The following LIMK1 variants were observed in gnomAD, a reference collection of about 807,000 sequenced individuals.
The protein encoded by LIMK1 is LIM motif-containing protein kinase.
In LIMK1, 21 loss-of-function variants were observed where a neutral mutation model predicts 77.6. That is an observed-to-expected ratio of 0.27 (90% CI 0.19 to 0.39). The LOEUF (loss-of-function observed/expected upper bound fraction) is 0.39, where lower values mean the gene tolerates loss of function less well. Ranked by LOEUF, LIMK1 falls within the 10% of genes least tolerant of loss-of-function variation. The probability of loss-of-function intolerance (pLI) is 1.00; values close to 1 mark genes in which losing one functional copy is unlikely to be tolerated. For missense variants in LIMK1, 696 were observed against 901.6 expected (o/e 0.77, Z 2.92); for synonymous variants, 358 against 370.0 (o/e 0.97, Z 0.37).
At chr7:74,096,190 C>T (rs1554695570) in intron 2 of LIMK1, among the ~76,000 whole-genome samples, 1 of 151,532 alleles carries the variant, frequency 6.6e-6, no homozygotes, top group African/African-American at 2.4e-5. Context: ...GTCTCAGACT[C>T]CTGACCCCAA....
At chr7:74,103,160 G>A (rs1014416384) in intron 5 of LIMK1, among the ~76,000 whole-genome samples, 1 of 151,636 alleles carries the variant, frequency 6.6e-6, no homozygotes, top group East Asian at 1.9e-4. Context: ...GAGCCACTGC[G>A]TCTGGCCATT....
At chr7:74,099,264 C>G (rs1554696179) in intron 5 of LIMK1, 26 bp downstream of exon 5, 3 of 1,597,056 alleles carry the variant, frequency 1.9e-6, no homozygotes, top group Admixed American at 1.7e-5. Context: ...GCCGAGGCTG[C>G]CGTCGGTGTG....
At chr7:74,113,764 C>T (rs1304355973) in intron 12 of LIMK1, among the ~76,000 whole-genome samples, 5 of 152,120 alleles carry the variant, frequency 3.3e-5, no homozygotes, top group Admixed American at 3.3e-4. Context: ...GCCCTCATGA[C>T]CCAATCACCT....
rs1554696082 is a variant in LIMK1, at chr7:74,099,016, C to T, written c.402-16C>T. ...CCCTTGACACTCTTTTCTTCCCACC[C>T]CGGCGGCTCTTGCAGCGGGCACTGC... is the stretch of plus-strand genomic sequence containing the variant. On this transcript the variant is annotated splice_polypyrimidine_tract_variant and intron_variant, in intron 4 of 15. Coordinates refer to ENST00000336180, the MANE Select transcript of LIMK1 (RefSeq NM_002314.4). 6 of 1,597,482 alleles carry T rather than the reference C, an allele frequency of 3.8e-6. No homozygotes were observed. In the Admixed American group the frequency reaches 6.7e-5, roughly 18 times the overall value.
chr7:74,122,510 C>G lies in LIMK1; in HGVS notation c.*1209C>G, dbSNP rs1330870472. 4 of 152,304 alleles carry G rather than the reference C, an allele frequency of 2.6e-5. No individual in the cohort carries two copies. The highest frequency in any genetic ancestry group is 9.7e-5 in the African/African-American group (4 of 41,396). The allele number at this position is 152,304 out of a possible 1,614,324, so 9.4% of individuals were successfully genotyped here. On this transcript the variant is annotated 3_prime_UTR_variant, in exon 16 of 16. Coordinates refer to ENST00000336180, the MANE Select transcript of LIMK1 (RefSeq NM_002314.4). ...CAGACGCAGAACAATAAAATAAATT[C>G]CGTACTCCCCACCCAGGTCCTGCGT...
At chr7:74,095,810 C>T (rs1188424760) in intron 2 of LIMK1, among the ~76,000 whole-genome samples, 4 of 152,114 alleles carry the variant, frequency 2.6e-5, no homozygotes, top group Non-Finnish European at 5.9e-5. Flanking sequence ...AGGTCTAACC[C>T]TGGCCTGTGT....
chr7:74,114,914 C>CA (rs569366868), intron 12 of LIMK1, among the ~76,000 whole-genome samples: 365 of 69,760 alleles, frequency 5.2e-3, no homozygotes, highest in Middle Eastern at 0.017. Context: ...GACTCCAACT[C>CA]AAAAAAAAAA....
At chr7:74,114,240 C>CA (rs1314815880) in intron 12 of LIMK1, among the ~76,000 whole-genome samples, 6 of 151,140 alleles carry the variant, frequency 4.0e-5, no homozygotes, top group Middle Eastern at 3.4e-3. Context: ...GACTCCATCT[C>CA]AAAAAAAATA....
At chr7:74,090,177 C>A (rs1157995451) in intron 2 of LIMK1, among the ~76,000 whole-genome samples, 1 of 152,058 alleles carries the variant, frequency 6.6e-6, no homozygotes, top group East Asian at 1.9e-4. Flanking sequence ...GAGTTTGAGA[C>A]CAGTCTGGCC....
Position 74,085,732 on chromosome 7 carries a change from C to T in LIMK1, c.56-16C>T, listed in dbSNP as rs1554693952. 3 of 1,548,686 alleles carry T rather than the reference C, an allele frequency of 1.9e-6. No homozygotes were observed. The highest frequency in any genetic ancestry group is 2.6e-6 in the Non-Finnish European group (3 of 1,145,344). The stretch of plus-strand genomic sequence containing the variant: ...ACTTCCTGAGAATGCTTCCCAACTC[C>T]CTTCCCACCCTGCAGGAAGCGAGTT... On this transcript the variant is annotated splice_polypyrimidine_tract_variant and intron_variant, in intron 1 of 15. Transcript: ENST00000336180.
At chr7:74,095,301 T>C (rs2115653560) in intron 2 of LIMK1, among the ~76,000 whole-genome samples, 1 of 152,224 alleles carries the variant, frequency 6.6e-6, no homozygotes, top group East Asian at 1.9e-4. Flanking sequence ...ACGGACCCCC[T>C]AGCCTGTTCT....
rs539035554 is a variant in LIMK1 at position 74,121,526 on chromosome 7, T to C, written c.*225T>C. 2.2e-4 allele frequency: 116 copies of C among 534,324 alleles called. 2 individuals carry two copies. In the East Asian group the frequency reaches 3.4e-3, roughly 16 times the overall value. 33.1% of individuals were successfully genotyped at this position (534,324 alleles called of 1,614,324 possible). ...CACACACACCATGCTCTCGCCCTGC[T>C]GTAACCTCTGTCTTGGCAGGGCTGT... On this transcript the variant is annotated 3_prime_UTR_variant, in exon 16 of 16. Coordinates refer to ENST00000336180, the MANE Select transcript of LIMK1 (RefSeq NM_002314.4).
intron 14 of LIMK1, 126 bp downstream of exon 14, chr7:74,120,764 C>A: frequency 6.6e-7 from 1 of 1,523,200 alleles, no homozygotes; most frequent in Non-Finnish European, 9.1e-7. Flanking sequence ...CATGGGCTGG[C>A]CCCCATGGGG....
chr7:74,099,337 G>A, intron 5 of LIMK1, 99 bp downstream of exon 5: 1 of 1,221,354 alleles, frequency 8.2e-7, no homozygotes, highest in Non-Finnish European at 1.2e-6. Flanking sequence ...GAATGGGCGA[G>A]TGTTTGGGTA....
chr7:74,117,435 C>T (rs1005378701), intron 13 of LIMK1, among the ~76,000 whole-genome samples: 4 of 152,098 alleles, frequency 2.6e-5, no homozygotes, highest in Admixed American at 1.3e-4. Flanking sequence ...GAAGGTGGGA[C>T]GTATACAAGT....
At chr7:74,094,104 C>T (rs1471820880) in intron 2 of LIMK1, 1 of 152,292 alleles carries the variant, frequency 6.6e-6, no homozygotes, top group Non-Finnish European at 1.5e-5. Context: ...GGGGCCTCGC[C>T]GGCAGGAATC....
At chr7:74,111,471 C>A in intron 10 of LIMK1, 177 bp from the exon 11 acceptor site, 1 of 605,726 alleles carries the variant, frequency 1.7e-6, no homozygotes, top group South Asian at 2.0e-5. Flanking sequence ...TGTCTGTGAG[C>A]TGTGTTGACT....
At chr7:74,117,799 G>A (rs1799845820) in intron 13 of LIMK1, among the ~76,000 whole-genome samples, 2 of 152,208 alleles carry the variant, frequency 1.3e-5, no homozygotes, top group South Asian at 2.1e-4. Flanking sequence ...AACGGAGTGA[G>A]ACCCTGTCTC....
Position 74,099,335 on chromosome 7 carries a change from G to A in LIMK1, c.608+97G>A, listed in dbSNP as rs1306537173. ...CTGGGGGCCCTGAAAATGAATGGGC[G>A]AGTGTTTGGGTACAGATGGGGCCCA... On this transcript the variant is annotated intron_variant, in intron 5 of 15. Transcript: ENST00000336180. The A allele has an allele frequency of 2.3e-5, 28 of 1,225,272 alleles. No homozygotes were observed. In the East Asian group the frequency reaches 2.4e-4, roughly 10 times the overall value. 75.9% of individuals were successfully genotyped at this position (1,225,272 alleles called of 1,614,324 possible).
Sources: gnomAD v4.1 joint callset for allele counts (sites outside exome capture counted in the v4.1 genomes callset) on GRCh38, gnomAD v4.1.1 for gene constraint, MANE v1.5 for transcripts, NCBI Gene and HGNC (gene_info 2026-07-23, HGNC 2026-07-21) for gene names.